Variants in PTPRT observed in about 807,000 individuals in gnomAD.
PTPRT encodes the protein protein tyrosine phosphatase receptor type T.
A neutral mutation model predicts 176.8 loss-of-function variants in PTPRT; 56 were observed. The observed-to-expected ratio is 0.32, with a 90% CI of 0.26 to 0.40. The LOEUF is 0.40. PTPRT is among the 10% of genes least tolerant of loss of function. The pLI, the probability that PTPRT is intolerant of heterozygous loss-of-function variation, is 1.00. For missense variants in PTPRT, 1,540 were observed against 1,908.2 expected, an observed-to-expected ratio of 0.81 and a Z score of 3.60; for synonymous variants, 783 against 739.0, an observed-to-expected ratio of 1.06 and a Z score of -0.96.
chr20:42,977,694 A>G (rs962075982), intron 1 of PTPRT, among the ~76,000 whole-genome samples: 7 of 152,218 alleles, frequency 4.6e-5, no homozygotes, highest in African/African-American at 1.7e-4. Flanking sequence ...TTGACAGGGC[A>G]TTTAGTATTA....
At chr20:43,109,393 C>G (rs930183063) in intron 1 of PTPRT, among the ~76,000 whole-genome samples, 10 of 152,148 alleles carry the variant, frequency 6.6e-5, no homozygotes, top group African/African-American at 2.4e-4. Flanking sequence ...CTCCAAGACT[C>G]AGGAACCACA....
chr20:42,556,269 G>A (rs886269810), intron 7 of PTPRT, among the ~76,000 whole-genome samples: 3 of 152,174 alleles, frequency 2.0e-5, no homozygotes, highest in African/African-American at 7.2e-5. Context: ...CAACTGAAGA[G>A]AAGTGTGACT....
intron 7 of PTPRT, among the ~76,000 whole-genome samples, chr20:42,642,079 A>G (rs2074769802): frequency 6.6e-6 from 1 of 152,156 alleles, no homozygotes; most frequent in South Asian, 2.1e-4. Context: ...GTGCCTGTCC[A>G]GATAATATTG....
intron 6 of PTPRT, among the ~76,000 whole-genome samples, chr20:42,753,027 G>T (rs1238307292): frequency 6.6e-6 from 1 of 152,162 alleles, no homozygotes; most frequent in Non-Finnish European, 1.5e-5. Context: ...CAGCAATCTG[G>T]AAGTTAGCTG....
intron 8 of PTPRT, among the ~76,000 whole-genome samples, chr20:42,458,619 A>AT (rs894641973): frequency 2.6e-5 from 4 of 151,926 alleles, no homozygotes; most frequent in East Asian, 1.9e-4. Context: ...CACTAATTTG[A>AT]TTTTTTTGTA....
intron 1 of PTPRT, among the ~76,000 whole-genome samples, chr20:43,134,508 G>T (rs1480142018): frequency 6.6e-6 from 1 of 152,046 alleles, no homozygotes; most frequent in Admixed American, 6.6e-5. Context: ...TTTCTTCCTG[G>T]TAATTTTCTA....
At chr20:42,329,280 A>C (rs1328131863) in intron 11 of PTPRT, among the ~76,000 whole-genome samples, 1 of 152,226 alleles carries the variant, frequency 6.6e-6, no homozygotes, top group Non-Finnish European at 1.5e-5. Flanking sequence ...TGTTTAGAGA[A>C]TATGATAAAG....
intron 6 of PTPRT, among the ~76,000 whole-genome samples, chr20:42,734,182 T>A (rs1251812365): frequency 6.6e-6 from 1 of 152,150 alleles, no homozygotes. Flanking sequence ...TGGGAGGTCA[T>A]CACTACAGCT....
In PTPRT at chr20:42,148,260, A is replaced by ATTT. The variant is rs34255255; in HGVS notation, c.2683-6261_2683-6259dup. On this transcript the variant is annotated intron_variant, in intron 17 of 30. Coordinates refer to ENST00000373187, the MANE Select transcript of PTPRT (RefSeq NM_007050.6). ...ACAGTGTTGTTTTTCCAAGGCAGTC[A>ATTT]TTTTTTTTTTTTTTTTTTTTTTAGT... Among the ~76,000 whole-genome samples, 27 of 114,050 alleles carry ATTT rather than the reference A, an allele frequency of 2.4e-4. No homozygotes were observed. The South Asian group carries it at 3.4e-3, about 14-fold the overall frequency. The allele number at this position is 114,050 out of a possible 152,430, so 74.8% of individuals were successfully genotyped here.
intron 1 of PTPRT, among the ~76,000 whole-genome samples, chr20:42,959,072 C>T (rs1166274300): frequency 6.6e-6 from 1 of 152,106 alleles, no homozygotes; most frequent in Non-Finnish European, 1.5e-5. Flanking sequence ...GTACTCAATA[C>T]CCTAACCTAA....
chr20:42,824,724 T>A (rs894611578), intron 2 of PTPRT, among the ~76,000 whole-genome samples: 2 of 152,008 alleles, frequency 1.3e-5, no homozygotes, highest in Non-Finnish European at 2.9e-5. Flanking sequence ...TTATCTCATT[T>A]GGGAATAGGG....
chr20:42,890,082 A>T (rs1395722893), intron 1 of PTPRT, among the ~76,000 whole-genome samples: 5 of 152,188 alleles, frequency 3.3e-5, no homozygotes, highest in Non-Finnish European at 7.3e-5. Flanking sequence ...ATGAAACAAC[A>T]TCTGCACAAG....
At chr20:42,059,290 T>G in the PTPRT span, among the ~76,000 whole-genome samples, 2 of 151,998 alleles carry the variant, frequency 1.3e-5, no homozygotes, top group African/African-American at 4.8e-5. Flanking sequence ...AAAGGGAAGA[T>G]AGAAAGTGCT....
chr20:42,257,968 G>C (rs894475996), intron 13 of PTPRT, among the ~76,000 whole-genome samples: 1 of 152,018 alleles, frequency 6.6e-6, no homozygotes, highest in Non-Finnish European at 1.5e-5. Flanking sequence ...CTGGGACATA[G>C]GCCCTGGCAG....
chr20:42,605,720 G>A (rs1341833357), intron 7 of PTPRT, among the ~76,000 whole-genome samples: 1 of 152,186 alleles, frequency 6.6e-6, no homozygotes, highest in Non-Finnish European at 1.5e-5. Flanking sequence ...ATGCTGCTGT[G>A]GGGAGGAATG....
intron 15 of PTPRT, among the ~76,000 whole-genome samples, chr20:42,202,415 G>A (rs145682101): frequency 6.6e-6 from 1 of 152,148 alleles, no homozygotes; most frequent in African/African-American, 2.4e-5. Context: ...TCATTATAAT[G>A]CTTTGGCCAC....
chr20:42,453,866 T>G (rs2070876191), intron 8 of PTPRT, among the ~76,000 whole-genome samples: 1 of 150,088 alleles, frequency 6.7e-6, no homozygotes, highest in Non-Finnish European at 1.5e-5. Context: ...ACCCGGCTAA[T>G]TTTTGTATTT....
At chr20:43,125,909 T>C (rs2013418944) in intron 1 of PTPRT, among the ~76,000 whole-genome samples, 1 of 152,190 alleles carries the variant, frequency 6.6e-6, no homozygotes, top group African/African-American at 2.4e-5. Flanking sequence ...CACAGAAAGA[T>C]GGTAATTTAA....
chr20:42,520,859 A>AGATAGATAGATT (rs1281450207), intron 7 of PTPRT, among the ~76,000 whole-genome samples: 62 of 150,316 alleles, frequency 4.1e-4, no homozygotes, highest in African/African-American at 1.3e-3. Flanking sequence ...ATAGATAGAT[A>AGATAGATAGATT]GATAGATAGA....
Sources: gnomAD v4.1 joint callset for allele counts (sites outside exome capture counted in the v4.1 genomes callset) on GRCh38, gnomAD v4.1.1 for gene constraint, MANE v1.5 for transcripts, NCBI Gene and HGNC (gene_info 2026-07-23, HGNC 2026-07-21) for gene names.